SDK1: variants seen among roughly 807,000 people sequenced by gnomAD.
The protein encoded by SDK1 is protein sidekick-1.
Under a neutral mutation model 245.5 loss-of-function variants are expected in SDK1, and 157 were observed. That is an observed-to-expected ratio of 0.64 (90% confidence interval 0.56 to 0.73). The LOEUF is 0.73. Among genes scored for constraint, SDK1 ranks in the 30% least tolerant of loss-of-function variants. The pLI is 0.00. For missense variants in SDK1, 3,583 were observed against 3,002.3 expected (o/e 1.19, Z -4.52); for synonymous variants, 1,647 against 1,278.5 (o/e 1.29, Z -6.15).
chr7:3,977,622 C>T (rs530123904), intron 13 of SDK1, among the ~76,000 whole-genome samples: 13 of 152,238 alleles, frequency 8.5e-5, no homozygotes, highest in African/African-American at 1.9e-4. Flanking sequence ...TAGCATTCAA[C>T]GACAGTAGCA....
At chr7:3,786,207 G>A (rs1780894921) in intron 4 of SDK1, among the ~76,000 whole-genome samples, 1 of 152,096 alleles carries the variant, frequency 6.6e-6, no homozygotes, top group African/African-American at 2.4e-5. Flanking sequence ...TTTATGTACT[G>A]GACAGAAGCA....
intron 5 of SDK1, among the ~76,000 whole-genome samples, chr7:3,930,116 G>C (rs1306844905): frequency 1.3e-5 from 2 of 152,194 alleles, no homozygotes; most frequent in Non-Finnish European, 2.9e-5. Context: ...CAGGCAGCTC[G>C]TTAACATTTA....
intron 17 of SDK1, 120 bp downstream of exon 17, chr7:4,017,472 A>C (rs1786505443): frequency 9.9e-6 from 8 of 806,264 alleles, no homozygotes; most frequent in Admixed American, 3.3e-5. Flanking sequence ...GGGAGCGTTT[A>C]CAAGAAAATT....
In SDK1 at chr7:4,026,454, C is replaced by T. The variant is rs913471223; in HGVS notation, c.2602+9102C>T. 1.4e-4 allele frequency among the ~76,000 whole-genome samples: 22 copies of T among 152,218 alleles called. No homozygotes were observed. Among genetic ancestry groups the T allele is most frequent in the African/African-American group, 5.3e-4 (22 of 41,458 alleles). On this transcript the variant is annotated intron_variant, in intron 17 of 44. Transcript: ENST00000404826. This position sits in a 1 kb window ranked among gnomAD's most constrained non-coding sequence, Gnocchi z 4.1. ...ACTGACTTCAGAGTCAGACGACTGG[C>T]TTCACGAGGGCCCGGTGTGCAGACA...
intron 4 of SDK1, among the ~76,000 whole-genome samples, chr7:3,800,591 T>C (rs926924181): frequency 3.3e-5 from 5 of 152,018 alleles, no homozygotes; most frequent in Non-Finnish European, 7.4e-5. Context: ...AGGATGGTCT[T>C]GATCTCCTGA....
At chr7:3,655,505 G>GTA (rs1483696056) in intron 4 of SDK1, among the ~76,000 whole-genome samples, 1 of 48,788 alleles carries the variant, frequency 2.0e-5, no homozygotes, top group Non-Finnish European at 4.8e-5. Flanking sequence ...ATATATATAT[G>GTA]TATGTATGTA....
chr7:3,883,345 C>T (rs894939820), intron 5 of SDK1, among the ~76,000 whole-genome samples: 2 of 152,216 alleles, frequency 1.3e-5, no homozygotes, highest in African/African-American at 4.8e-5. Context: ...AGATTGATCT[C>T]CTTGATAAGT....
intron 1 of SDK1, among the ~76,000 whole-genome samples, chr7:3,614,043 G>A (rs1278892062): frequency 6.6e-6 from 1 of 152,168 alleles, no homozygotes; most frequent in Non-Finnish European, 1.5e-5. Context: ...ATACCTGGGT[G>A]ATGAAATAAT....
At chr7:4,186,186 A>C (rs970539885) in intron 35 of SDK1, among the ~76,000 whole-genome samples, 23 of 152,244 alleles carry the variant, frequency 1.5e-4, no homozygotes, top group Non-Finnish European at 3.4e-4. Context: ...ATCCACGCTG[A>C]CCGAAAACTG....
intron 1 of SDK1, among the ~76,000 whole-genome samples, chr7:3,357,134 G>C (rs1780820575): frequency 6.7e-6 from 1 of 148,870 alleles, no homozygotes. Context: ...AAAAATACCT[G>C]CTTGACCACA....
chr7:3,941,314 A>C (rs1583595590), intron 5 of SDK1, among the ~76,000 whole-genome samples: 1 of 151,508 alleles, frequency 6.6e-6, no homozygotes, highest in Non-Finnish European at 1.5e-5. Context: ...CCGTGCTCCC[A>C]CCCGCTCTAG....
At chr7:4,198,889 C>T (rs1407238622) in intron 35 of SDK1, among the ~76,000 whole-genome samples, 7 of 151,350 alleles carry the variant, frequency 4.6e-5, no homozygotes, top group Non-Finnish European at 1.0e-4. Context: ...TCTCGGCTCA[C>T]TGCAACCTCC....
At chr7:4,177,400 A>C (rs950401234) in intron 34 of SDK1, among the ~76,000 whole-genome samples, 9 of 152,214 alleles carry the variant, frequency 5.9e-5, no homozygotes, top group African/African-American at 2.2e-4. Flanking sequence ...TCACCCTGTC[A>C]CTTAGTGCGG....
chr7:4,004,755 A>C (rs1583799957), intron 14 of SDK1, among the ~76,000 whole-genome samples: 1 of 152,200 alleles, frequency 6.6e-6, no homozygotes, highest in Admixed American at 6.5e-5. Flanking sequence ...AGTTGATTAC[A>C]CCTAACAAAA....
intron 5 of SDK1, among the ~76,000 whole-genome samples, chr7:3,917,546 T>C (rs1304812820): frequency 1.3e-5 from 2 of 152,112 alleles, no homozygotes; most frequent in East Asian, 1.9e-4. Context: ...AAACGGACTC[T>C]GAGAGCAGAG....
At chr7:4,062,127 TATAATA>T (rs558489932) in intron 19 of SDK1, among the ~76,000 whole-genome samples, 1 of 151,438 alleles carries the variant, frequency 6.6e-6, no homozygotes, top group African/African-American at 2.4e-5. Flanking sequence ...AAACTTAAAG[TATAATA>T]ATAATAATAA....
chr7:3,593,970 A>G (rs984444573), intron 1 of SDK1, among the ~76,000 whole-genome samples: 29 of 152,196 alleles, frequency 1.9e-4, no homozygotes, highest in Non-Finnish European at 5.9e-5. Flanking sequence ...ATTTACAGCC[A>G]TAGGGTTCAC....
chr7:4,015,519 C>T (rs1231069754), intron 16 of SDK1, among the ~76,000 whole-genome samples: 3 of 152,188 alleles, frequency 2.0e-5, no homozygotes, highest in Non-Finnish European at 4.4e-5. Flanking sequence ...ACCTGTCACA[C>T]AGGTGAATCC....
chr7:3,765,132 G>T (rs1024451018), intron 4 of SDK1, among the ~76,000 whole-genome samples: 3 of 151,902 alleles, frequency 2.0e-5, no homozygotes, highest in African/African-American at 7.3e-5. Context: ...GAGAATCACT[G>T]GTTTAGCTTG....
Sources: allele counts gnomAD v4.1 joint callset (sites outside exome capture counted in the v4.1 genomes callset), GRCh38; gene constraint gnomAD v4.1.1; non-coding constraint Gnocchi (gnomAD v3.1); transcripts MANE v1.5; gene names NCBI Gene and HGNC (gene_info 2026-07-23, HGNC 2026-07-21).